TPH2: variants seen among roughly 807,000 people sequenced by gnomAD.
TPH2 encodes tryptophan hydroxylase 2, also known as tryptophan 5-hydroxylase 2.
A neutral mutation model predicts 59.1 loss-of-function variants in TPH2; 27 were observed. The ratio of observed to expected loss-of-function variants is 0.46; its 90% CI spans 0.34 to 0.63. The LOEUF (loss-of-function observed/expected upper bound fraction) is 0.63. TPH2 is among the 30% of genes least tolerant of loss of function. The pLI, the probability that TPH2 is intolerant of heterozygous loss-of-function variation, is 0.01. For missense variants in TPH2, 523 were observed against 588.3 expected (o/e 0.89, Z 1.15); for synonymous variants, 220 against 210.5 (o/e 1.05, Z -0.39).
At chr12:71,946,881 A>G (rs954210320) in intron 4 of TPH2, among the ~76,000 whole-genome samples, 4 of 152,278 alleles carry the variant, frequency 2.6e-5, no homozygotes, top group African/African-American at 9.6e-5. Context: ...AATGCAGATA[A>G]TGAGTCTGTA....
chr12:72,023,659 A>G (rs1873485164), intron 9 of TPH2, among the ~76,000 whole-genome samples: 1 of 151,876 alleles, frequency 6.6e-6, no homozygotes, highest in Non-Finnish European at 1.5e-5. Context: ...GTGAAACTCC[A>G]TTTCTACAAA....
chr12:72,032,402 C>G lies in TPH2; in HGVS notation c.*707C>G, dbSNP rs910237882. ...AAACAGTGGACAATCAATCTTGGGA[C>G]TATGAATTTTATGCTGGAATAAAGT... On this transcript the variant is annotated 3_prime_UTR_variant, in exon 11 of 11. Coordinates refer to ENST00000333850, the MANE Select transcript of TPH2 (RefSeq NM_173353.4). 1 of 152,238 alleles carries G rather than the reference C, an allele frequency of 6.6e-6. No homozygotes were observed. Among genetic ancestry groups the G allele is most frequent in the Non-Finnish European group, 1.5e-5 (1 of 68,174 alleles). 9.4% of individuals were successfully genotyped at this position (152,238 alleles called of 1,614,324 possible). A position where few individuals can be genotyped will look rare whatever the true frequency, so the allele number is the denominator to read the frequency against.
chr12:71,989,065 T>C (rs1297876777), intron 7 of TPH2, among the ~76,000 whole-genome samples: 2 of 149,366 alleles, frequency 1.3e-5, no homozygotes, highest in Non-Finnish European at 3.0e-5. Context: ...CAAAGAAGAT[T>C]TTCCCCAATG....
At chr12:72,015,315 GTTTTTTTTTTT>G (rs869231666) in intron 8 of TPH2, among the ~76,000 whole-genome samples, 5 of 98,952 alleles carry the variant, frequency 5.1e-5, no homozygotes, top group East Asian at 5.9e-4. Context: ...TTTTTTGGTT[GTTTTTTTTTTT>G]TTTTTTTTTT....
At chr12:72,004,729 G>T (rs1328834854) in intron 8 of TPH2, among the ~76,000 whole-genome samples, 1 of 152,180 alleles carries the variant, frequency 6.6e-6, no homozygotes, top group African/African-American at 2.4e-5. Flanking sequence ...AAAGCAGAAA[G>T]AAGATGGTTG....
chr12:72,007,243 G>A (rs1343511226), intron 8 of TPH2, among the ~76,000 whole-genome samples: 1 of 152,116 alleles, frequency 6.6e-6, no homozygotes. Context: ...TGAGTGAATA[G>A]CACACCTCCC....
chr12:72,023,517 A>T (rs1458239542), intron 9 of TPH2, among the ~76,000 whole-genome samples: 1 of 152,158 alleles, frequency 6.6e-6, no homozygotes, highest in Non-Finnish European at 1.5e-5. Flanking sequence ...GGATAAAAAG[A>T]CAAGTAATAA....
chr12:71,974,696 C>A (rs1872068414), intron 6 of TPH2, among the ~76,000 whole-genome samples: 1 of 152,158 alleles, frequency 6.6e-6, no homozygotes, highest in African/African-American at 2.4e-5. Context: ...CATTACTTAG[C>A]CTACCACAAT....
chr12:72,005,020 T>C (rs1260924096), intron 8 of TPH2, among the ~76,000 whole-genome samples: 1 of 152,192 alleles, frequency 6.6e-6, no homozygotes, highest in African/African-American at 2.4e-5. Context: ...CTTAGAAATA[T>C]TGCAATTTGC....
intron 9 of TPH2, among the ~76,000 whole-genome samples, chr12:72,030,370 C>G (rs1207421629): frequency 2.0e-5 from 3 of 152,098 alleles, no homozygotes; most frequent in Non-Finnish European, 4.4e-5. Flanking sequence ...ATAAGCTCCT[C>G]AGTGATTCTT....
At chr12:71,941,454 C>T in intron 1 of TPH2, 130 bp from the exon 2 acceptor site, 1 of 1,170,878 alleles carries the variant, frequency 8.5e-7, no homozygotes, top group Non-Finnish European at 1.2e-6. Context: ...GACACGGCAA[C>T]TTCACCTTAA....
At chr12:72,018,915 G>A (rs899951068) in intron 8 of TPH2, among the ~76,000 whole-genome samples, 11 of 152,128 alleles carry the variant, frequency 7.2e-5, no homozygotes, top group Admixed American at 2.0e-4. Context: ...TCTCTTAAAT[G>A]TCACCATCTA....
At chr12:71,962,092 C>T in intron 5 of TPH2, 2 of 999,830 alleles carry the variant, frequency 2.0e-6, no homozygotes, top group Non-Finnish European at 1.2e-6. Context: ...TGCGTTTATG[C>T]CTTTATGTTT....
At chr12:71,970,250 A>G (rs1035961918) in intron 5 of TPH2, among the ~76,000 whole-genome samples, 13 of 152,182 alleles carry the variant, frequency 8.5e-5, no homozygotes, top group African/African-American at 2.9e-4. Flanking sequence ...GGAGCAGTGC[A>G]TTGCACCGGT....
At chr12:72,002,447 A>G (rs1255823611) in intron 8 of TPH2, among the ~76,000 whole-genome samples, 1 of 152,222 alleles carries the variant, frequency 6.6e-6, no homozygotes, top group Non-Finnish European at 1.5e-5. Flanking sequence ...TTATCTGACC[A>G]GGAAAAGGGT....
rs1334460892 is a variant in TPH2, at chr12:72,031,896, A to G, written c.*201A>G. The stretch of plus-strand genomic sequence containing the variant: ...CCAATGGCAGATAACCACTCATTGT[A>G]TGAAATAACGTATTATGTTTAAACA... On this transcript the variant is annotated 3_prime_UTR_variant, in exon 11 of 11. Coordinates refer to ENST00000333850, the MANE Select transcript of TPH2 (RefSeq NM_173353.4). 4.8e-6 allele frequency: 3 copies of G among 630,498 alleles called. No individual in the cohort carries two copies. Among genetic ancestry groups the G allele is most frequent in the Non-Finnish European group, 8.4e-6 (3 of 356,080 alleles). The allele number at this position is 630,498 out of a possible 1,614,324, so 39.1% of individuals were successfully genotyped here. A position where few individuals can be genotyped will look rare whatever the true frequency, so the allele number is the denominator to read the frequency against.
chr12:71,964,651 T>C, intron 5 of TPH2: 1 of 985,410 alleles, frequency 1.0e-6, no homozygotes, highest in African/African-American at 1.7e-5. Flanking sequence ...GGTAACACTA[T>C]GGTTACTGGC....
At chr12:72,031,451 CT>C (rs1410908795) in intron 10 of TPH2, 60 bp downstream of exon 10, 1 of 1,612,852 alleles carries the variant, frequency 6.2e-7, no homozygotes, top group Non-Finnish European at 8.5e-7. Context: ...GTCTCTATTC[CT>C]TCCTTTTATC....
At chr12:71,972,866 T>A in intron 6 of TPH2, 151 bp downstream of exon 6, 3 of 805,908 alleles carry the variant, frequency 3.7e-6, no homozygotes, top group Non-Finnish European at 5.9e-6. Flanking sequence ...TGCGGCCACC[T>A]GTGGGAAGCA....
Sources: allele counts gnomAD v4.1 joint callset (sites outside exome capture counted in the v4.1 genomes callset), GRCh38; gene constraint gnomAD v4.1.1; transcripts MANE v1.5; gene names NCBI Gene and HGNC (gene_info 2026-07-23, HGNC 2026-07-21).